Variants in CTPS2 observed in about 807,000 individuals in gnomAD.
CTPS2 encodes the protein CTP synthase 2.
CTPS2 carries 19 observed loss-of-function variants against 46.8 expected under a neutral mutation model. That is an observed-to-expected ratio of 0.41 (90% CI 0.28 to 0.60). The LOEUF is 0.60. Among genes scored for constraint, CTPS2 ranks in the 20% least tolerant of loss-of-function variants. CTPS2 has a pLI of 0.35. For missense variants in CTPS2, 286 were observed against 447.6 expected, an observed-to-expected ratio of 0.64 and a Z score of 3.26; for synonymous variants, 151 against 165.2, an observed-to-expected ratio of 0.91 and a Z score of 0.66.
intron 17 of CTPS2, among the ~76,000 whole-genome samples, chrX:16,602,243 T>C (rs1327661989): frequency 1.8e-5 from 2 of 111,572 alleles, no homozygotes; most frequent in African/African-American, 3.3e-5. Flanking sequence ...CTGCTGGGAC[T>C]GTGCGCTTGC....
chrX:16,641,313 T>C (rs1212871153), intron 13 of CTPS2, among the ~76,000 whole-genome samples: 1 of 112,550 alleles, frequency 8.9e-6, no homozygotes, highest in East Asian at 2.8e-4. Flanking sequence ...ACTACGACTC[T>C]TCAGTCTTCC....
At chrX:16,633,341 C>T (rs2147230537) in intron 14 of CTPS2, among the ~76,000 whole-genome samples, 1 of 111,288 alleles carries the variant, frequency 9.0e-6, no homozygotes, top group South Asian at 3.8e-4. Flanking sequence ...CAGACTATGG[C>T]CCAGCCCACA....
In CTPS2 at chrX:16,620,349, G is replaced by A. The variant is rs1930756866; in HGVS notation, c.1394-17C>T. 8.7e-7 allele frequency: 1 copy of A among 1,155,026 alleles called. No homozygotes were observed. The highest frequency in any genetic ancestry group is 1.2e-6 in the Non-Finnish European group (1 of 847,273). ...AAAGTTTCCCTGTAAAGATACAAGA[G>A]CGAGATTAATATTAGAGTAAGCAGC... On this transcript the variant is annotated splice_polypyrimidine_tract_variant and intron_variant, in intron 14 of 18. Transcript: ENST00000359276.
chrX:16,710,231 G>C (rs1925372727), intron 1 of CTPS2, among the ~76,000 whole-genome samples: 1 of 112,274 alleles, frequency 8.9e-6, no homozygotes. Context: ...CAACAGAGAG[G>C]CCAAGAAGAA....
intron 10 of CTPS2, among the ~76,000 whole-genome samples, chrX:16,674,483 A>G (rs1188804389): frequency 9.0e-6 from 1 of 111,562 alleles, no homozygotes; most frequent in Non-Finnish European, 1.9e-5. Flanking sequence ...TTTAAGTTAG[A>G]TAAGATAAAG....
At chrX:16,628,289 C>T (rs1931268775) in intron 14 of CTPS2, among the ~76,000 whole-genome samples, 1 of 111,821 alleles carries the variant, frequency 8.9e-6, no homozygotes, top group Admixed American at 9.5e-5. Context: ...TAGTATAATA[C>T]ATCTGAGTTG....
chrX:16,661,928 C>A (rs1602220651), intron 13 of CTPS2, among the ~76,000 whole-genome samples: 1 of 108,486 alleles, frequency 9.2e-6, no homozygotes, highest in Admixed American at 1.0e-4. Flanking sequence ...TTTCAACAAA[C>A]AGAAAAGAAA....
intron 17 of CTPS2, among the ~76,000 whole-genome samples, chrX:16,593,130 A>C (rs184993179): frequency 7.1e-5 from 8 of 112,133 alleles, no homozygotes; most frequent in Admixed American, 6.6e-4. Flanking sequence ...ATTTATAGCA[A>C]TAAAAGTCTG....
intron 11 of CTPS2, 42 bp downstream of exon 11, chrX:16,670,538 T>C (rs201365250): frequency 1.9e-4 from 193 of 1,035,729 alleles, no homozygotes; most frequent in Middle Eastern, 2.6e-4. Context: ...GTGTCAAAAA[T>C]CTAATAAACT....
chrX:16,669,274 C>G lies in CTPS2; in HGVS notation c.1189+1306G>C, dbSNP rs150332695. Among the ~76,000 whole-genome samples, 447 of 111,518 alleles carry G rather than the reference C, an allele frequency of 4.0e-3. 1 individual carries two copies. Among genetic ancestry groups the G allele is most frequent in the Non-Finnish European group, 6.6e-3 (348 of 53,086 alleles). ...CCGCCTTCACTGCAGTTCACCAATT[C>G]TCTCCACTAAACAAATGCCAAAGAG... is the stretch of plus-strand genomic sequence containing the variant. On this transcript the variant is annotated intron_variant, in intron 11 of 18. Transcript: ENST00000359276.
intron 18 of CTPS2, 53 bp downstream of exon 18, chrX:16,590,699 G>T: frequency 1.5e-6 from 1 of 689,219 alleles, no homozygotes; most frequent in Non-Finnish European, 2.3e-6. Flanking sequence ...TCTATACCAA[G>T]ATGACAGCTT....
chrX:16,645,150 C>CTTTTTT (rs60451307), intron 13 of CTPS2, among the ~76,000 whole-genome samples: 1 of 97,919 alleles, frequency 1.0e-5, no homozygotes. Flanking sequence ...GCCCGGCTAA[C>CTTTTTT]TTTTTTTTTT....
Position 16,589,438 on chromosome X carries a change from T to A in CTPS2, c.*379A>T, listed in dbSNP as rs993975216. 1 of 112,389 alleles carries A rather than the reference T, an allele frequency of 8.9e-6. No individual in the cohort carries two copies. Among genetic ancestry groups the A allele is most frequent in the African/African-American group, 3.2e-5 (1 of 30,953 alleles). The allele number at this position is 112,389 out of a possible 1,213,427, so 9.3% of individuals were successfully genotyped here. A position where few individuals can be genotyped will look rare whatever the true frequency, so the allele number is the denominator to read the frequency against. On this transcript the variant is annotated 3_prime_UTR_variant, in exon 19 of 19. Coordinates refer to ENST00000359276, the MANE Select transcript of CTPS2 (RefSeq NM_175859.3). ...TTACTCAAAATTACTTACAGCATGT[T>A]CCCTGCCATCCTTTCCATACAACAC...
chrX:16,657,581 G>C (rs770509629), intron 13 of CTPS2, among the ~76,000 whole-genome samples: 1 of 111,108 alleles, frequency 9.0e-6, no homozygotes, highest in Non-Finnish European at 1.9e-5. Flanking sequence ...CTGGGCAGAT[G>C]GGGGGGCAGG....
chrX:16,698,556 G>GTT (rs10604869), intron 3 of CTPS2, among the ~76,000 whole-genome samples: 1 of 104,827 alleles, frequency 9.5e-6, no homozygotes, highest in African/African-American at 3.4e-5. Context: ...GCTTTGTTTT[G>GTT]TTTTTTTTTT....
At chrX:16,615,711 A>G (rs1930494628) in intron 16 of CTPS2, among the ~76,000 whole-genome samples, 2 of 111,695 alleles carry the variant, frequency 1.8e-5, no homozygotes, top group Admixed American at 9.5e-5. Context: ...ACATTGCTAC[A>G]TGGCTGTCCA....
chrX:16,603,358 G>A (rs1929778654), intron 17 of CTPS2, among the ~76,000 whole-genome samples: 1 of 109,532 alleles, frequency 9.1e-6, no homozygotes, highest in African/African-American at 3.3e-5. Context: ...AGAGATTGCA[G>A]TGAGCCGAGA....
intron 14 of CTPS2, among the ~76,000 whole-genome samples, chrX:16,637,983 T>C (rs1473565320): frequency 3.6e-5 from 4 of 111,618 alleles, no homozygotes; most frequent in Non-Finnish European, 7.5e-5. Context: ...TTGCCGGGCG[T>C]GGTGACTCAC....
intron 15 of CTPS2, among the ~76,000 whole-genome samples, chrX:16,619,404 G>A (rs1930700077): frequency 8.9e-6 from 1 of 112,045 alleles, no homozygotes; most frequent in African/African-American, 3.2e-5. Flanking sequence ...TTCACAGGTG[G>A]GCAGGTAATC....
Sources: allele counts gnomAD v4.1 joint callset (sites outside exome capture counted in the v4.1 genomes callset), GRCh38; gene constraint gnomAD v4.1.1; transcripts MANE v1.5; gene names NCBI Gene and HGNC (gene_info 2026-07-23, HGNC 2026-07-21).